ALYREF: variants seen among roughly 807,000 people sequenced by gnomAD.
ALYREF encodes the protein Aly/REF export factor.
ALYREF carries 1 observed loss-of-function variant against 25.2 expected under a neutral mutation model. That is an observed-to-expected ratio of 0.04 (90% CI 0.01 to 0.19). The LOEUF (loss-of-function observed/expected upper bound fraction) is 0.19. Ranked by LOEUF, ALYREF falls within the 10% of genes least tolerant of loss-of-function variation. The pLI, the probability that ALYREF is intolerant of heterozygous loss-of-function variation, is 1.00. For missense variants in ALYREF, 328 were observed against 375.6 expected, an observed-to-expected ratio of 0.87 and a Z score of 1.05; for synonymous variants, 193 against 153.5, an observed-to-expected ratio of 1.26 and a Z score of -1.90.
Position 81,888,859 on chromosome 17 carries a change from C to T in ALYREF, c.539-276G>A, listed in dbSNP as rs2039465698. 16 of 1,408,502 alleles carry T rather than the reference C, an allele frequency of 1.1e-5. No homozygotes were observed. The highest frequency in any genetic ancestry group is 4.6e-6 in the Non-Finnish European group (5 of 1,083,400). 87.3% of individuals were successfully genotyped at this position (1,408,502 alleles called of 1,614,324 possible). A position where few individuals can be genotyped will look rare whatever the true frequency, so the allele number is the denominator to read the frequency against. The stretch of plus-strand genomic sequence containing the variant: ...GGGTGGAGAGGTGTGGGTGACCTGA[C>T]GAAGAAGAACCGGTACCTTTGTCTT... On this transcript the variant is annotated intron_variant, in intron 3 of 5. Coordinates refer to ENST00000505490, the MANE Select transcript of ALYREF (RefSeq NM_005782.4). The surrounding 1 kb of genome is among the most constrained non-coding windows in gnomAD (Gnocchi z 5.8).
chr17:81,891,414 T>G lies in ALYREF; in HGVS notation c.167A>C (p.Asn56Thr). ...GGGAQAAARV[N>T]RGGGPIRNRP... Reference sequence around the variant, plus strand: ...GTTCCGGATGGGCCCGCCGCCTCGATTCACTCGCGCGGCGGCCTGCGCCCC... The same window carrying G: ...GTTCCGGATGGGCCCGCCGCCTCGAGTCACTCGCGCGGCGGCCTGCGCCCC... The change falls in exon 1 of 6, where the codon AAT (asparagine) becomes ACT (threonine). Residue 56 changes from asparagine (N) to threonine (T), a missense_variant. Coordinates refer to ENST00000505490, the MANE Select transcript of ALYREF (RefSeq NM_005782.4). The G allele has an allele frequency of 1.9e-6, 2 of 1,034,928 alleles. No homozygotes were observed. Among genetic ancestry groups the G allele is most frequent in the Non-Finnish European group, 1.2e-6 (1 of 864,948 alleles). The allele number at this position is 1,034,928 out of a possible 1,614,324, so 64.1% of individuals were successfully genotyped here. A position where few individuals can be genotyped will look rare whatever the true frequency, so the allele number is the denominator to read the frequency against.
In ALYREF at chr17:81,890,746, T is replaced by C. The variant is rs1246448542; in HGVS notation, c.333A>G (p.Thr111=). 2 of 1,613,964 alleles carry C rather than the reference T, an allele frequency of 1.2e-6. No homozygotes were observed. The highest frequency in any genetic ancestry group is 1.6e-4 in the Middle Eastern group (1 of 6,062). The change falls in exon 2 of 6, where the codon ACA becomes ACG. Residue 111 remains threonine, a synonymous_variant. Coordinates refer to ENST00000505490, the MANE Select transcript of ALYREF (RefSeq NM_005782.4). ...SGFGGGAGVE[T]GGKLLVSNLD... ...GATTGGACACCAGCAGTTTCCCACC[T>C]GTCTCCACGCCGGCACCACCGCCGA...
In ALYREF at chr17:81,888,309, C is replaced by A; in HGVS notation, c.712G>T (p.Gly238Cys). ...GAAAGCTGCTGCTTTGAATTCCTGC[C>A]GGCACCTCTGCCTCTTCCACGGGCG... ...GGARGRGRGA[G>C]RNSKQQLSAE... The change falls in exon 5 of 6, where the codon GGC (glycine) becomes TGC (cysteine). Residue 238 changes from glycine (G) to cysteine (C), a missense_variant. By Grantham distance (159) the Gly-to-Cys change is radical (BLOSUM62 -3). Transcript: ENST00000505490. This position sits in a 1 kb window ranked among gnomAD's most constrained non-coding sequence, Gnocchi z 5.8. 1 of 1,607,372 alleles carries A rather than the reference C, an allele frequency of 6.2e-7. No individual in the cohort carries two copies. Among genetic ancestry groups the A allele is most frequent in the Non-Finnish European group, 8.5e-7 (1 of 1,178,862 alleles).
chr17:81,889,005 C>T, intron 3 of ALYREF, 177 bp downstream of exon 3: 2 of 1,432,690 alleles, frequency 1.4e-6, no homozygotes, highest in Non-Finnish European at 1.8e-6. Flanking sequence ...TGGGGGTTCA[C>T]AAGAGGTTGG....
In ALYREF at chr17:81,888,000, T is replaced by G. The variant is rs1344304909; in HGVS notation, c.*131A>C. ...AAAAAAAAAAAACCTTTACATGAGTTTTTAAATCCTATTTTAAAACATAAA... is the reference window on the plus strand; with the variant it reads ...AAAAAAAAAAAACCTTTACATGAGTGTTTAAATCCTATTTTAAAACATAAA... On this transcript the variant is annotated 3_prime_UTR_variant, in exon 6 of 6. Coordinates refer to ENST00000505490, the MANE Select transcript of ALYREF (RefSeq NM_005782.4). 37 of 1,175,080 alleles carry G rather than the reference T, an allele frequency of 3.1e-5. No homozygotes were observed. The highest frequency in any genetic ancestry group is 4.1e-5 in the Non-Finnish European group (35 of 860,880). The allele number at this position is 1,175,080 out of a possible 1,614,324, so 72.8% of individuals were successfully genotyped here. A position where few individuals can be genotyped will look rare whatever the true frequency, so the allele number is the denominator to read the frequency against.
At position 81,891,494 on chromosome 17, in the gene ALYREF, G is replaced by T; in HGVS notation, c.87C>A (p.Gly29=). ...GGCCGCGGCCCCGGCCCCCGCCCCG[G>T]CCGCCTCGCTGGCTCCGGTTCAGTT... ...IIKLNRSQRG[G]RGGGRGRGRA... Residue 29 remains glycine (G), a synonymous_variant, in exon 1 of 6, where the codon GGC becomes GGA. Transcript: ENST00000505490. The T allele has an allele frequency of 8.0e-7, 1 of 1,257,720 alleles. No homozygotes were observed. The highest frequency in any genetic ancestry group is 1.0e-6 in the Non-Finnish European group (1 of 983,832). 77.9% of individuals were successfully genotyped at this position (1,257,720 alleles called of 1,614,324 possible). A position where few individuals can be genotyped will look rare whatever the true frequency, so the allele number is the denominator to read the frequency against.
chr17:81,891,428 G>A lies in ALYREF; in HGVS notation c.153C>T (p.Ala51=), dbSNP rs1358351069. Residue 51 remains alanine, a synonymous_variant, in exon 1 of 6, where the codon GCC becomes GCT. Coordinates refer to ENST00000505490, the MANE Select transcript of ALYREF (RefSeq NM_005782.4). ...CGCCGCCTCGATTCACTCGCGCGGC[G>A]GCCTGCGCCCCACCGCCGCGGCCGC... ...SQGGRGGGAQ[A]AARVNRGGGP... is the part of the protein sequence containing the mutation. 39 of 1,015,560 alleles carry A rather than the reference G, an allele frequency of 3.8e-5. No individual in the cohort carries two copies. Among genetic ancestry groups the A allele is most frequent in the Non-Finnish European group, 4.2e-5 (36 of 852,386 alleles). The allele number at this position is 1,015,560 out of a possible 1,614,324, so 62.9% of individuals were successfully genotyped here.
rs2039458620 is a variant in ALYREF at position 81,888,226 on chromosome 17, TC to T, written c.780+14del. 1 of 1,613,274 alleles carries T rather than the reference TC, an allele frequency of 6.2e-7. No individual in the cohort carries two copies. ...GGCTTTGACCAGGCCCCCAGCTGGCTCCCCCGGGACTCACTCTCGCATTATA... is the reference window on the plus strand; with the variant it reads ...GGCTTTGACCAGGCCCCCAGCTGGCTCCCCGGGACTCACTCTCGCATTATA... On this transcript the variant is annotated intron_variant, in intron 5 of 5. Transcript: ENST00000505490. The surrounding 1 kb of genome is among the most constrained non-coding windows in gnomAD (Gnocchi z 5.8).
In ALYREF at chr17:81,891,481, G is replaced by A; in HGVS notation, c.100C>T (p.Arg34Trp). 2 of 1,200,138 alleles carry A rather than the reference G, an allele frequency of 1.7e-6. No individual in the cohort carries two copies. Among genetic ancestry groups the A allele is most frequent in the Non-Finnish European group, 2.1e-6 (2 of 951,336 alleles). 74.3% of individuals were successfully genotyped at this position (1,200,138 alleles called of 1,614,324 possible). A position where few individuals can be genotyped will look rare whatever the true frequency, so the allele number is the denominator to read the frequency against. Residue 34 changes from arginine to tryptophan, a missense_variant, in exon 1 of 6, where the codon CGG (arginine) becomes TGG (tryptophan). Arg to Trp is a moderately radical substitution (Grantham distance 101, BLOSUM62 -3). Around this residue, in one of 3 missense-constraint regions of ALYREF, gnomAD observed 150 missense variants for 135.3 expected, o/e 1.11. Transcript: ENST00000505490. ...RSQRGGRGGG[R>W]GRGRAGSQGG... ...TGGGAGCCGGCCCGGCCGCGGCCCC[G>A]GCCCCCGCCCCGGCCGCCTCGCTGG...
rs200613732 is a variant in ALYREF at position 81,888,135 on chromosome 17, C to G, written c.791G>C (p.Ser264Thr). The part of the protein sequence containing the change: ...LDAYNARMDT[S>T] ...CACGCGGATTTGCTGGTCTGTTTAACTGGTGTCCATCTGAAACACAGAGGA... is the reference window on the plus strand; with the variant it reads ...CACGCGGATTTGCTGGTCTGTTTAAGTGGTGTCCATCTGAAACACAGAGGA... Residue 264 changes from serine (S) to threonine (T), a missense_variant, in exon 6 of 6, where the codon AGT (serine) becomes ACT (threonine). Physicochemically the swap from Ser to Thr is moderately conservative, Grantham distance 58. Around this residue, in one of 3 missense-constraint regions of ALYREF, gnomAD observed 108 missense variants for 110.5 expected, o/e 0.98. Coordinates refer to ENST00000505490, the MANE Select transcript of ALYREF (RefSeq NM_005782.4). The surrounding 1 kb of genome is among the most constrained non-coding windows in gnomAD (Gnocchi z 5.8). The G allele has an allele frequency of 6.2e-7, 1 of 1,614,068 alleles. No homozygotes were observed.
intron 3 of ALYREF, 146 bp downstream of exon 3, chr17:81,889,036 T>C: frequency 6.8e-7 from 1 of 1,461,576 alleles, no homozygotes; most frequent in Non-Finnish European, 9.1e-7. Context: ...TGGGGCAGCA[T>C]GAGAGGTGGC....
In ALYREF at chr17:81,887,986, A is replaced by G; in HGVS notation, c.*145T>C. The stretch of plus-strand genomic sequence containing the variant: ...AAAAAAAAAAAAAGAAAAAAAAAAA[A>G]CCTTTACATGAGTTTTTAAATCCTA... On this transcript the variant is annotated 3_prime_UTR_variant, in exon 6 of 6. Coordinates refer to ENST00000505490, the MANE Select transcript of ALYREF (RefSeq NM_005782.4). The G allele has an allele frequency of 1.5e-5, 14 of 927,802 alleles. No individual in the cohort carries two copies. The South Asian group carries it at 3.1e-4, about 21-fold the overall frequency. The allele number at this position is 927,802 out of a possible 1,614,324, so 57.5% of individuals were successfully genotyped here. A position where few individuals can be genotyped will look rare whatever the true frequency, so the allele number is the denominator to read the frequency against.
chr17:81,889,221 G>C lies in ALYREF; in HGVS notation c.499C>G (p.Leu167Val). ...CCGTTGTACTGCTTCATGGCCTTCA[G>C]GGCATCTGCCTTCCGCTCAAAGTGC... ...DVHFERKADA[L>V]KAMKQYNGVP... Residue 167 changes from leucine (L) to valine (V), a missense_variant, in exon 3 of 6, where the codon CTG becomes GTG. Physicochemically the swap from Leu to Val is conservative, Grantham distance 32. Around this residue, in one of 3 missense-constraint regions of ALYREF, gnomAD observed 70 missense variants for 129.9 expected, o/e 0.54. Transcript: ENST00000505490. The C allele has an allele frequency of 6.2e-7, 1 of 1,614,218 alleles. No individual in the cohort carries two copies. The highest frequency in any genetic ancestry group is 1.1e-5 in the South Asian group (1 of 91,088).
rs1422565906 is a variant in ALYREF at position 81,888,930 on chromosome 17, G to A, written c.538+252C>T. The A allele has an allele frequency of 2.1e-6, 3 of 1,413,024 alleles. No homozygotes were observed. Among genetic ancestry groups the A allele is most frequent in the Non-Finnish European group, 2.8e-6 (3 of 1,085,800 alleles). 87.5% of individuals were successfully genotyped at this position (1,413,024 alleles called of 1,614,324 possible). On this transcript the variant is annotated intron_variant, in intron 3 of 5. Transcript: ENST00000505490. The surrounding 1 kb of genome is among the most constrained non-coding windows in gnomAD (Gnocchi z 5.8). ...CAGAGGTGTACTATGGCGGTTCTGA[G>A]AAGGCTTCACAGAAGTGAATCTTCC... is the stretch of plus-strand genomic sequence containing the variant.
chr17:81,889,469 G>A, intron 2 of ALYREF, 140 bp from the exon 3 acceptor site: 1 of 974,026 alleles, frequency 1.0e-6, no homozygotes, highest in South Asian at 1.5e-5. Context: ...GGAAATGAGG[G>A]AAGGGCGGGG....
intron 1 of ALYREF, 106 bp from the exon 2 acceptor site, chr17:81,890,926 C>T (rs1404270677): frequency 6.6e-7 from 1 of 1,513,652 alleles, no homozygotes; most frequent in Admixed American, 2.0e-5. Context: ...TGAGAGGATC[C>T]GGCCGAAACG....
chr17:81,889,028 G>A, intron 3 of ALYREF, 154 bp downstream of exon 3: 2 of 1,456,756 alleles, frequency 1.4e-6, no homozygotes, highest in Non-Finnish European at 1.8e-6. Flanking sequence ...CAGATGTGTG[G>A]GGCAGCATGA....
At position 81,891,371 on chromosome 17, in the gene ALYREF, G is replaced by C. The variant is rs1170218058; in HGVS notation, c.210C>G (p.Arg70=). ...GPIRNRPAIA[R]GAAGGGGRNR... Reference sequence around the variant, plus strand: ...TCCTGCCGCCTCCGCCGGCCGCGCCGCGGGCGATGGCCGGCCGGTTCCGGA... The same window carrying C: ...TCCTGCCGCCTCCGCCGGCCGCGCCCCGGGCGATGGCCGGCCGGTTCCGGA... The change falls in exon 1 of 6, where the codon CGC becomes CGG. Residue 70 remains arginine, a synonymous_variant. Transcript: ENST00000505490. 2.1e-4 allele frequency: 240 copies of C among 1,145,200 alleles called. No homozygotes were observed. Among genetic ancestry groups the C allele is most frequent in the Non-Finnish European group, 2.5e-4 (229 of 931,148 alleles). The allele number at this position is 1,145,200 out of a possible 1,614,324, so 70.9% of individuals were successfully genotyped here. A position where few individuals can be genotyped will look rare whatever the true frequency, so the allele number is the denominator to read the frequency against.
rs2039505482 is a variant in ALYREF at position 81,890,767 on chromosome 17, G to A, written c.312C>T (p.Gly104=). ...CACCTGTCTCCACGCCGGCACCACC[G>A]CCGAAGCCACTGTCGAAAAGATCGT... ...WQHDLFDSGF[G]GGAGVETGGK... Residue 104 remains glycine (G), a synonymous_variant, in exon 2 of 6, where the codon GGC becomes GGT. Transcript: ENST00000505490. The A allele has an allele frequency of 7.4e-6, 12 of 1,613,948 alleles. No homozygotes were observed. Among genetic ancestry groups the A allele is most frequent in the Non-Finnish European group, 8.5e-6 (10 of 1,180,034 alleles).
Sources: allele counts gnomAD v4.1 joint callset, GRCh38; gene constraint gnomAD v4.1.1; regional missense constraint gnomAD v4.1.1; non-coding constraint Gnocchi (gnomAD v3.1); transcripts MANE v1.5; gene names NCBI Gene and HGNC (gene_info 2026-07-23, HGNC 2026-07-21).